SATB1: variants seen among roughly 807,000 people sequenced by gnomAD.
SATB1 encodes SATB homeobox 1.
Under a neutral mutation model 86.9 loss-of-function variants are expected in SATB1, and 11 were observed. That is an observed-to-expected ratio of 0.13 (90% confidence interval 0.08 to 0.21). SATB1 has a LOEUF of 0.21. Ranked by LOEUF, SATB1 falls within the 10% of genes least tolerant of loss-of-function variation. The probability of loss-of-function intolerance (pLI) is 1.00; values close to 1 mark genes in which losing one functional copy is unlikely to be tolerated. For missense variants in SATB1, 551 were observed against 937.6 expected, an observed-to-expected ratio of 0.59 and a Z score of 5.39; for synonymous variants, 357 against 357.2, an observed-to-expected ratio of 1.00 and a Z score of 0.01.
chr3:18,383,165 C>T (rs1389914678), intron 8 of SATB1, among the ~76,000 whole-genome samples: 1 of 152,204 alleles, frequency 6.6e-6, no homozygotes, highest in Non-Finnish European at 1.5e-5. Context: ...GCATAACTGT[C>T]CCTACTGGAG....
intron 5 of SATB1, among the ~76,000 whole-genome samples, chr3:18,412,007 C>G (rs1012497684): frequency 7.3e-5 from 11 of 151,590 alleles, no homozygotes; most frequent in African/African-American, 2.7e-4. Context: ...GAGTCTCGTT[C>G]TGTCACCAAA....
At chr3:18,439,465 A>G (rs1198078949), upstream of SATB1, among the ~76,000 whole-genome samples, 1 of 152,218 alleles carries the variant, frequency 6.6e-6, no homozygotes, top group African/African-American at 2.4e-5. Context: ...AAAAGATACC[A>G]TTGGCATAAG....
chr3:18,406,196 G>A (rs1697521060), intron 5 of SATB1, among the ~76,000 whole-genome samples: 1 of 151,938 alleles, frequency 6.6e-6, no homozygotes, highest in African/African-American at 2.4e-5. Context: ...CTAAATTCAG[G>A]TGACTCTAGA....
chr3:18,386,495 G>A lies in SATB1; in HGVS notation c.1323C>T (p.Asp441=). 1 of 1,614,142 alleles carries A rather than the reference G, an allele frequency of 6.2e-7. No homozygotes were observed. The highest frequency in any genetic ancestry group is 1.7e-5 in the Admixed American group (1 of 60,026). Residue 441 remains aspartate, a synonymous_variant, in exon 8 of 11, where the codon GAC becomes GAT. Transcript: ENST00000338745. This position sits in a 1 kb window ranked among gnomAD's most constrained non-coding sequence, Gnocchi z 4.5. The part of the protein sequence containing the change: ...NFLQLPEAER[D]RIYQDERERS... ...TTTCCCTTTCGTCCTGGTATATTCG[G>A]TCTCTTTCAGCTTCCGGTAACTGCA... is the stretch of plus-strand genomic sequence containing the variant.
At chr3:18,375,364 G>C (rs892996037) in intron 9 of SATB1, among the ~76,000 whole-genome samples, 13 of 152,090 alleles carry the variant, frequency 8.5e-5, no homozygotes, top group Admixed American at 5.2e-4. Flanking sequence ...GCATGATAGG[G>C]TCTAGCACAA....
rs1699373771 is a variant in SATB1 at position 18,445,550 on chromosome 3, C to T, written c.-57G>A. 4.1e-6 allele frequency: 4 copies of T among 984,364 alleles called. No homozygotes were observed. In the South Asian group the frequency reaches 1.9e-4, roughly 46 times the overall value. The allele number at this position is 984,364 out of a possible 1,614,324, so 61.0% of individuals were successfully genotyped here. The stretch of plus-strand genomic sequence containing the variant: ...GGGGCCCCCAACACGCGCACTCCTC[C>T]TCTTGTCGCCTGCGGCTTCCTCTTG... On this transcript the variant is annotated 5_prime_UTR_variant, in exon 1 of 4. Coordinates refer to the SATB1 transcript ENST00000415069.
Position 18,411,318 on chromosome 3 carries a change from AG to A in SATB1, c.639+3792del, listed in dbSNP as rs529496047. 3.3e-5 allele frequency among the ~76,000 whole-genome samples: 5 copies of A among 152,208 alleles called. 1 individual carries two copies. The South Asian group carries it at 1.0e-3, about 32-fold the overall frequency. On this transcript the variant is annotated intron_variant, in intron 5 of 10. Transcript: ENST00000338745. Reference sequence around the variant, plus strand: ...TGTACGCCCACATGTGTGGTGAAAGAGGGAAGGTAAAAATGCGCAAATCAGA... The same window carrying A: ...TGTACGCCCACATGTGTGGTGAAAGAGGAAGGTAAAAATGCGCAAATCAGA...
chr3:18,395,769 C>T (rs1045763554), intron 6 of SATB1, among the ~76,000 whole-genome samples: 4 of 152,170 alleles, frequency 2.6e-5, no homozygotes, highest in Admixed American at 2.0e-4. Flanking sequence ...TTCCCACCTA[C>T]CCAGGATGAA....
intron 7 of SATB1, among the ~76,000 whole-genome samples, chr3:18,388,643 C>T (rs1363049942): frequency 6.6e-6 from 1 of 151,976 alleles, no homozygotes; most frequent in African/African-American, 2.4e-5. Context: ...AACTTAAGAA[C>T]AAGATGTGTT....
chr3:18,358,287 A>C (rs146903111), intron 9 of SATB1, among the ~76,000 whole-genome samples: 50 of 152,150 alleles, frequency 3.3e-4, no homozygotes, highest in African/African-American at 1.1e-3. Context: ...ATTGTTCTTT[A>C]CCTAACATAT....
chr3:18,418,763 T>A (rs1324756680), intron 2 of SATB1, among the ~76,000 whole-genome samples: 1 of 152,114 alleles, frequency 6.6e-6, no homozygotes, highest in Non-Finnish European at 1.5e-5. Flanking sequence ...ACCATGCACA[T>A]GAAAAATAAG....
At chr3:18,411,104 A>G (rs1376759332) in intron 5 of SATB1, 15 of 381,290 alleles carry the variant, frequency 3.9e-5, no homozygotes, top group Non-Finnish European at 5.6e-5. Context: ...TATTACTTCT[A>G]AATGGAATGT....
chr3:18,393,334 T>G (rs1352250908), intron 7 of SATB1, among the ~76,000 whole-genome samples: 1 of 132,378 alleles, frequency 7.6e-6, no homozygotes, highest in East Asian at 2.4e-4. Flanking sequence ...GTTTGTTTTT[T>G]GGTTTTGTTG....
chr3:18,394,975 T>C lies in SATB1; in HGVS notation c.752-59A>G. 7.7e-7 allele frequency: 1 copy of C among 1,290,882 alleles called. No homozygotes were observed. Among genetic ancestry groups the C allele is most frequent in the Non-Finnish European group, 1.0e-6 (1 of 954,190 alleles). The allele number at this position is 1,290,882 out of a possible 1,614,324, so 80.0% of individuals were successfully genotyped here. The stretch of plus-strand genomic sequence containing the variant: ...CAACAATGATTGGCATTGATAAAGA[T>C]TTCTAACCATTTCCTAAATTAAAAA... On this transcript the variant is annotated intron_variant, in intron 6 of 10. Transcript: ENST00000338745. The surrounding 1 kb of genome is among the most constrained non-coding windows in gnomAD (Gnocchi z 5.9).
chr3:18,421,883 T>C lies in SATB1; in HGVS notation c.-24-892A>G, dbSNP rs80134231. Among the ~76,000 whole-genome samples the C allele has an allele frequency of 3.0e-3, 454 of 150,908 alleles. 15 individuals are homozygous for C. The East Asian group carries it at 0.079, about 26-fold the overall frequency. ...CACAAACAAAAAACCTTGATGATAC[T>C]GGTAAAACAAAATATCCAGTATTCA... is the stretch of plus-strand genomic sequence containing the variant. On this transcript the variant is annotated intron_variant, in intron 1 of 10. Coordinates refer to ENST00000338745, the MANE Select transcript of SATB1 (RefSeq NM_002971.6).
At chr3:18,418,615 T>C (rs1184318312) in intron 2 of SATB1, among the ~76,000 whole-genome samples, 1 of 152,212 alleles carries the variant, frequency 6.6e-6, no homozygotes, top group East Asian at 1.9e-4. Flanking sequence ...AATAGCAATA[T>C]GCAAACTGGC....
Position 18,420,960 on chromosome 3 carries a change from T to C in SATB1, c.8A>G (p.His3Arg). The change falls in exon 2 of 11, where the codon CAT becomes CGT. Residue 3 changes from histidine (H) to arginine (R), a missense_variant. Physicochemically the swap from His to Arg is conservative, Grantham distance 29 (BLOSUM62 0). This residue lies in a region of SATB1 where 153 missense variants were observed against 258.1 expected (regional missense o/e 0.59). Coordinates refer to ENST00000338745, the MANE Select transcript of SATB1 (RefSeq NM_002971.6). ...TTTCCCCTGAGTTGCCTCGTTCAAA[T>C]GATCCATACTCAGTCACTGTCTAAA... Reference protein sequence around the residue: MDHLNEATQGKEH... With the variant: MDRLNEATQGKEH... 2 of 1,614,122 alleles carry C rather than the reference T, an allele frequency of 1.2e-6. No individual in the cohort carries two copies. Among genetic ancestry groups the C allele is most frequent in the African/African-American group, 2.7e-5 (2 of 75,044 alleles).
Position 18,348,494 on chromosome 3 carries a change from A to G in SATB1, c.*676T>C, listed in dbSNP as rs1177442448. 6.6e-6 allele frequency: 1 copy of G among 152,634 alleles called. No individual in the cohort carries two copies. The highest frequency in any genetic ancestry group is 1.5e-5 in the Non-Finnish European group (1 of 68,030). The allele number at this position is 152,634 out of a possible 1,614,324, so 9.5% of individuals were successfully genotyped here. A position where few individuals can be genotyped will look rare whatever the true frequency, so the allele number is the denominator to read the frequency against. On this transcript the variant is annotated 3_prime_UTR_variant, in exon 11 of 11. Transcript: ENST00000338745. ...ATTACAACATGATGCTGCAGGATCT[A>G]CAAATAAATAATGAGGACTAAATTG...
intron 6 of SATB1, among the ~76,000 whole-genome samples, chr3:18,395,818 G>C (rs927520858): frequency 6.6e-6 from 1 of 152,156 alleles, no homozygotes; most frequent in Admixed American, 6.5e-5. Flanking sequence ...TGGATTGGCT[G>C]AGCATCATCT....
Sources: gnomAD v4.1 joint callset for allele counts (sites outside exome capture counted in the v4.1 genomes callset) on GRCh38, gnomAD v4.1.1 for gene constraint, gnomAD v4.1.1 regional missense constraint, Gnocchi (gnomAD v3.1) non-coding constraint, MANE v1.5 for transcripts, NCBI Gene and HGNC (gene_info 2026-07-23, HGNC 2026-07-21) for gene names.